Variants in LCORL observed in about 807,000 individuals in gnomAD.
LCORL encodes the protein ligand-dependent nuclear receptor corepressor-like protein.
LCORL carries 41 observed loss-of-function variants against 141.8 expected under a neutral mutation model. The observed-to-expected ratio is 0.29, with a 90% CI of 0.23 to 0.38. The LOEUF (loss-of-function observed/expected upper bound fraction) is 0.38. LCORL is among the 10% of genes least tolerant of loss of function. LCORL has a pLI of 1.00. For missense variants in LCORL, 1,759 were observed against 2,035.0 expected (o/e 0.86, Z 2.61); for synonymous variants, 618 against 694.1 (o/e 0.89, Z 1.72).
intron 4 of LCORL, among the ~76,000 whole-genome samples, chr4:17,945,581 A>T (rs957450910): frequency 4.6e-5 from 7 of 152,078 alleles, no homozygotes; most frequent in African/African-American, 1.7e-4. Context: ...TTCTACAAGC[A>T]TTACAAATTT....
chr4:17,956,451 A>C (rs891959620), intron 4 of LCORL, among the ~76,000 whole-genome samples: 5 of 152,118 alleles, frequency 3.3e-5, no homozygotes, highest in Non-Finnish European at 7.4e-5. Flanking sequence ...TATCTACATA[A>C]TGGAATACTA....
At chr4:17,888,856 CAA>C (rs1728667930) in intron 5 of LCORL, among the ~76,000 whole-genome samples, 1 of 152,094 alleles carries the variant, frequency 6.6e-6, no homozygotes, top group African/African-American at 2.4e-5. Flanking sequence ...AACTCATATT[CAA>C]GTTTATAACT....
At chr4:17,850,487 C>T (rs1390412081) in intron 7 of LCORL, among the ~76,000 whole-genome samples, 1 of 152,160 alleles carries the variant, frequency 6.6e-6, no homozygotes, top group Admixed American at 6.5e-5. Flanking sequence ...AGACACTTCT[C>T]AAAAGAAGAG....
At chr4:17,893,675 C>T (rs939079892) in intron 5 of LCORL, 1 of 740,198 alleles carries the variant, frequency 1.4e-6, no homozygotes, top group East Asian at 1.3e-4. Context: ...TCTTCTAATG[C>T]ATAATTTGCA....
At chr4:17,867,402 G>C (rs1725807690) in intron 7 of LCORL, among the ~76,000 whole-genome samples, 2 of 152,054 alleles carry the variant, frequency 1.3e-5, no homozygotes. Context: ...CAACTATTCA[G>C]CTTCTGCAGC....
At position 18,021,094 on chromosome 4, in the gene LCORL, C is replaced by A. The variant is rs1725481600; in HGVS notation, c.154+504G>T. Among the ~76,000 whole-genome samples, 1 of 152,066 alleles carries A rather than the reference C, an allele frequency of 6.6e-6. No homozygotes were observed. Among genetic ancestry groups the A allele is most frequent in the African/African-American group, 2.4e-5 (1 of 41,434 alleles). On this transcript the variant is annotated intron_variant, in intron 1 of 7. Coordinates refer to ENST00000635767, the Ensembl canonical transcript of LCORL. The surrounding 1 kb of genome is among the most constrained non-coding windows in gnomAD (Gnocchi z 5.5). ...TGCCCGTGGGTCTCCAGGTCCAGGT[C>A]CCCGGGAACTGGCCGCGTCTGCTCA...
chr4:17,883,091 TA>T, intron 6 of LCORL: 1 of 969,816 alleles, frequency 1.0e-6, no homozygotes, highest in Non-Finnish European at 1.2e-6. Context: ...TATTAAATGA[TA>T]AATATTAAAT....
intron 6 of LCORL, chr4:17,883,764 C>T (rs1430359519): frequency 1.3e-6 from 2 of 1,545,794 alleles, no homozygotes; most frequent in African/African-American, 1.4e-5. Flanking sequence ...GTCCCTGAAT[C>T]TGTCATATTA....
At chr4:17,914,548 G>C (rs991128749) in intron 4 of LCORL, among the ~76,000 whole-genome samples, 5 of 152,184 alleles carry the variant, frequency 3.3e-5, no homozygotes, top group South Asian at 2.1e-4. Context: ...GCAAAAGAGA[G>C]GGAGCAAAAC....
At chr4:17,933,956 AAC>A (rs1450676144) in intron 4 of LCORL, among the ~76,000 whole-genome samples, 2 of 151,924 alleles carry the variant, frequency 1.3e-5, no homozygotes, top group Non-Finnish European at 2.9e-5. Flanking sequence ...GATTCTAAGT[AAC>A]AGTCCTTTTA....
intron 1 of LCORL, among the ~76,000 whole-genome samples, chr4:18,002,816 T>A (rs751035196): frequency 1.4e-4 from 22 of 152,184 alleles, no homozygotes; most frequent in Admixed American, 2.6e-4. Flanking sequence ...TGGGAAGGTA[T>A]TCTCTCAGGA....
intron 1 of LCORL, among the ~76,000 whole-genome samples, chr4:18,017,882 G>C (rs1188744879): frequency 6.6e-6 from 1 of 152,194 alleles, no homozygotes; most frequent in South Asian, 2.1e-4. Context: ...CAGTATCCTT[G>C]TTTTTTAAAA....
At chr4:17,928,125 G>A (rs1297587867) in intron 4 of LCORL, among the ~76,000 whole-genome samples, 4 of 152,186 alleles carry the variant, frequency 2.6e-5, no homozygotes, top group Admixed American at 1.3e-4. Flanking sequence ...AGTCCACCCT[G>A]GCTGGGCATA....
chr4:17,968,984 T>C (rs1463297421), intron 2 of LCORL, among the ~76,000 whole-genome samples: 3 of 152,198 alleles, frequency 2.0e-5, no homozygotes, highest in African/African-American at 7.2e-5. Flanking sequence ...GCCTAATGCA[T>C]TGAGGTTCAT....
chr4:17,897,213 CT>C lies in LCORL; in HGVS notation c.683-11053del, dbSNP rs761784734. Among the ~76,000 whole-genome samples the C allele has an allele frequency of 4.4e-3, 281 of 63,972 alleles. 90 individuals are homozygous for C. In the Middle Eastern group the frequency reaches 0.059, roughly 13 times the overall value. The allele number at this position is 63,972 out of a possible 152,430, so 42.0% of individuals were successfully genotyped here. On this transcript the variant is annotated intron_variant, in intron 5 of 7. Transcript: ENST00000635767. Reference sequence around the variant, plus strand: ...AGACTTCTCTTTGATATACTGATTTCTTTTTTTTTTTTTTTTTTTTTTTTTT... The same window carrying C: ...AGACTTCTCTTTGATATACTGATTTCTTTTTTTTTTTTTTTTTTTTTTTTT...
chr4:18,006,444 G>C (rs567823414), intron 1 of LCORL, among the ~76,000 whole-genome samples: 2 of 151,880 alleles, frequency 1.3e-5, no homozygotes, highest in Admixed American at 1.3e-4. Context: ...ACATTTTCAG[G>C]TATTTTTTCA....
exon 8 of LCORL, chr4:17,842,547 T>TTGAC (rs1250355761): frequency 5.2e-6 from 3 of 581,110 alleles, no homozygotes; most frequent in Non-Finnish European, 9.3e-6. Flanking sequence ...TCAAGAGCAT[T>TTGAC]TGACTTCTTA....
chr4:17,864,068 T>C (rs1291304458), intron 7 of LCORL, among the ~76,000 whole-genome samples: 1 of 152,162 alleles, frequency 6.6e-6, no homozygotes, highest in African/African-American at 2.4e-5. Flanking sequence ...ACCTGGGTGA[T>C]GAAATAATCT....
chr4:17,998,752 C>T (rs1441851701), intron 1 of LCORL, among the ~76,000 whole-genome samples: 1 of 151,446 alleles, frequency 6.6e-6, no homozygotes, highest in Non-Finnish European at 1.5e-5. Flanking sequence ...ATCCCTTGAG[C>T]TCACGAGTTC....
Sources: allele counts gnomAD v4.1 joint callset (sites outside exome capture counted in the v4.1 genomes callset), GRCh38; gene constraint gnomAD v4.1.1; non-coding constraint Gnocchi (gnomAD v3.1); transcripts MANE v1.5; gene names NCBI Gene and HGNC (gene_info 2026-07-23, HGNC 2026-07-21).